The following ZNF395 variants were observed in gnomAD, a reference collection of about 807,000 sequenced individuals.
ZNF395 encodes zinc finger protein 395, also known as HD gene regulatory region-binding protein 2.
Under a neutral mutation model 57.7 loss-of-function variants are expected in ZNF395, and 20 were observed. The ratio of observed to expected loss-of-function variants is 0.35; its 90% CI spans 0.24 to 0.50. ZNF395 has a LOEUF of 0.50. ZNF395 is among the 20% of genes least tolerant of loss of function. The pLI, the probability that ZNF395 is intolerant of heterozygous loss-of-function variation, is 0.97. For missense variants in ZNF395, 606 were observed against 671.2 expected (o/e 0.90, Z 1.07); for synonymous variants, 295 against 275.9 (o/e 1.07, Z -0.69).
chr8:28,378,492 C>CA (rs1491196677), intron 1 of ZNF395, among the ~76,000 whole-genome samples: 1 of 152,236 alleles, frequency 6.6e-6, no homozygotes, highest in Non-Finnish European at 1.5e-5. Flanking sequence ...CCACCCACCT[C>CA]AGTCTCTCAA....
chr8:28,352,194 G>C lies in ZNF395; in HGVS notation c.920+379C>G, dbSNP rs1003605307. Among the ~76,000 whole-genome samples, 1 of 152,160 alleles carries C rather than the reference G, an allele frequency of 6.6e-6. No homozygotes were observed. Among genetic ancestry groups the C allele is most frequent in the African/African-American group, 2.4e-5 (1 of 41,440 alleles). ...AAACTCGCTCTGCACAGAACACGGC[G>C]GAGGCACCAGGGTGGGGCTAGCGGA... On this transcript the variant is annotated intron_variant, in intron 6 of 9. Transcript: ENST00000344423. This position sits in a 1 kb window ranked among gnomAD's most constrained non-coding sequence, Gnocchi z 4.0.
Position 28,347,803 on chromosome 8 carries a change from A to G in ZNF395, c.*916T>C, listed in dbSNP as rs1034141606. On this transcript the variant is annotated 3_prime_UTR_variant, in exon 10 of 10. Coordinates refer to ENST00000344423, the MANE Select transcript of ZNF395 (RefSeq NM_018660.3). ...TTAATCAGTAAAGGCTTCTGAATAC[A>G]TCGTAAAAGAAAACAAAGCATTTCT... 1 of 152,200 alleles carries G rather than the reference A, an allele frequency of 6.6e-6. No individual in the cohort carries two copies. The highest frequency in any genetic ancestry group is 1.5e-5 in the Non-Finnish European group (1 of 68,038). 9.4% of individuals were successfully genotyped at this position (152,200 alleles called of 1,614,324 possible).
intron 1 of ZNF395, among the ~76,000 whole-genome samples, chr8:28,366,907 G>A (rs1209844482): frequency 6.6e-6 from 1 of 150,970 alleles, no homozygotes; most frequent in Non-Finnish European, 1.5e-5. Context: ...TCAATAGAAA[G>A]CCAGGGCCTT....
rs560207998 is a variant in ZNF395 at position 28,384,547 on chromosome 8, C to G, written c.-59+1846G>C. Among the ~76,000 whole-genome samples the G allele has an allele frequency of 7.7e-4, 118 of 152,310 alleles. 1 individual carries two copies. The highest frequency in any genetic ancestry group is 1.2e-4 in the Non-Finnish European group (8 of 68,028). ...CATCCTTCTGTCCCCTCTATGAGGGCAGAAGCCCTGGAGGGAGGGAATCAT... is the reference window on the plus strand; with the variant it reads ...CATCCTTCTGTCCCCTCTATGAGGGGAGAAGCCCTGGAGGGAGGGAATCAT... On this transcript the variant is annotated intron_variant, in intron 1 of 9. Transcript: ENST00000344423.
chr8:28,348,156 G>A lies in ZNF395; in HGVS notation c.*563C>T, dbSNP rs1801630536. On this transcript the variant is annotated 3_prime_UTR_variant, in exon 10 of 10. Coordinates refer to ENST00000344423, the MANE Select transcript of ZNF395 (RefSeq NM_018660.3). Reference sequence around the variant, plus strand: ...AGGGATTTCCTTTGACTTCCATGCAGGATGCTCAGACAGGGAACAGGAGGT... The same window carrying A: ...AGGGATTTCCTTTGACTTCCATGCAAGATGCTCAGACAGGGAACAGGAGGT... 6.6e-6 allele frequency: 1 copy of A among 152,010 alleles called. No homozygotes were observed. The highest frequency in any genetic ancestry group is 2.4e-5 in the African/African-American group (1 of 41,342). The allele number at this position is 152,010 out of a possible 1,614,324, so 9.4% of individuals were successfully genotyped here. A position where few individuals can be genotyped will look rare whatever the true frequency, so the allele number is the denominator to read the frequency against.
In ZNF395 at chr8:28,359,101, A is replaced by G. The variant is rs1010484359; in HGVS notation, c.473+491T>C. Among the ~76,000 whole-genome samples the G allele has an allele frequency of 1.3e-5, 2 of 152,192 alleles. No individual in the cohort carries two copies. Among genetic ancestry groups the G allele is most frequent in the African/African-American group, 4.8e-5 (2 of 41,440 alleles). On this transcript the variant is annotated intron_variant, in intron 3 of 9. Coordinates refer to ENST00000344423, the MANE Select transcript of ZNF395 (RefSeq NM_018660.3). The surrounding 1 kb of genome is among the most constrained non-coding windows in gnomAD (Gnocchi z 4.7). ...TGCCCATAATAGAGCTATGGAAAAG[A>G]AAAGACGCCACTCGGCCAGGCATGG...
At chr8:28,377,276 T>C (rs1802053011) in intron 1 of ZNF395, among the ~76,000 whole-genome samples, 2 of 152,166 alleles carry the variant, frequency 1.3e-5, no homozygotes, top group Non-Finnish European at 2.9e-5. Context: ...CAGTGGCTCA[T>C]GCCTATAATC....
chr8:28,346,005 C>T lies in ZNF395; in HGVS notation c.*2714G>A, dbSNP rs1225758833. Reference sequence around the variant, plus strand: ...TCCAAGCTATTTTACTTTAAATGGTCCTTTTGCTTTGCACCTGAGACCTCG... The same window carrying T: ...TCCAAGCTATTTTACTTTAAATGGTTCTTTTGCTTTGCACCTGAGACCTCG... On this transcript the variant is annotated 3_prime_UTR_variant, in exon 10 of 10. Coordinates refer to ENST00000344423, the MANE Select transcript of ZNF395 (RefSeq NM_018660.3). The T allele has an allele frequency of 6.6e-6, 1 of 152,098 alleles. No homozygotes were observed. Among genetic ancestry groups the T allele is most frequent in the Non-Finnish European group, 1.5e-5 (1 of 68,028 alleles). 9.4% of individuals were successfully genotyped at this position (152,098 alleles called of 1,614,324 possible).
At chr8:28,367,799 T>C (rs1222172595) in intron 1 of ZNF395, among the ~76,000 whole-genome samples, 1 of 152,180 alleles carries the variant, frequency 6.6e-6, no homozygotes, top group East Asian at 1.9e-4. Flanking sequence ...ACAGCTGATC[T>C]TCCAGCGGTA....
Position 28,356,592 on chromosome 8 carries a change from A to T in ZNF395, c.583+78T>A. 1 of 1,061,446 alleles carries T rather than the reference A, an allele frequency of 9.4e-7. No individual in the cohort carries two copies. Among genetic ancestry groups the T allele is most frequent in the East Asian group, 2.6e-5 (1 of 38,692 alleles). The allele number at this position is 1,061,446 out of a possible 1,614,324, so 65.8% of individuals were successfully genotyped here. On this transcript the variant is annotated intron_variant, in intron 4 of 9. Transcript: ENST00000344423. This position sits in a 1 kb window ranked among gnomAD's most constrained non-coding sequence, Gnocchi z 4.0. ...CTATTGCCAGGCTGGTGACATAGGCAACTAGCTGCTCTGCACAGAGGATGT... is the reference window on the plus strand; with the variant it reads ...CTATTGCCAGGCTGGTGACATAGGCTACTAGCTGCTCTGCACAGAGGATGT...
intron 6 of ZNF395, 142 bp from the exon 7 acceptor site, chr8:28,351,949 G>A (rs758343590): frequency 1.1e-5 from 10 of 887,286 alleles, no homozygotes; most frequent in Admixed American, 9.8e-5. Context: ...CAGGTGCCTC[G>A]CTCCTGACGG....
At chr8:28,361,239 G>T in intron 1 of ZNF395, 57 bp from the exon 2 acceptor site, 1 of 1,464,238 alleles carries the variant, frequency 6.8e-7, no homozygotes, top group Non-Finnish European at 9.3e-7. Context: ...GCCAGGAAGG[G>T]TCTACTAAAA....
intron 1 of ZNF395, chr8:28,385,407 C>CCG (rs1554520850): frequency 6.6e-6 from 1 of 151,822 alleles, no homozygotes. Context: ...GCCCCGCCCC[C>CCG]CCCCCGGGCA....
At chr8:28,355,517 G>A (rs1477755349) in intron 4 of ZNF395, among the ~76,000 whole-genome samples, 6 of 150,954 alleles carry the variant, frequency 4.0e-5, no homozygotes, top group South Asian at 4.2e-4. Context: ...ATGCTTCTAC[G>A]TTGATGTGCA....
rs1345964526 is a variant in ZNF395, at chr8:28,352,688, G to A, written c.820-15C>T. On this transcript the variant is annotated splice_polypyrimidine_tract_variant and intron_variant, in intron 5 of 9. Coordinates refer to ENST00000344423, the MANE Select transcript of ZNF395 (RefSeq NM_018660.3). This position sits in a 1 kb window ranked among gnomAD's most constrained non-coding sequence, Gnocchi z 4.0. ...TTCACAGAGTTCTACAGGAAAGGAAGACAGGGTGAGTGGATATGTCTTTCT... is the reference window on the plus strand; with the variant it reads ...TTCACAGAGTTCTACAGGAAAGGAAAACAGGGTGAGTGGATATGTCTTTCT... 1.2e-6 allele frequency: 2 copies of A among 1,607,026 alleles called. No homozygotes were observed. Among genetic ancestry groups the A allele is most frequent in the South Asian group, 2.2e-5 (2 of 90,920 alleles).
In ZNF395 at chr8:28,348,675, G is replaced by A. The variant is rs1801638117; in HGVS notation, c.*44C>T. ...GGTGACACACTGGCCTCTTGTCAGT[G>A]GCTGCCGGCAGGGCCAGGAACAGAG... On this transcript the variant is annotated 3_prime_UTR_variant, in exon 10 of 10. Coordinates refer to ENST00000344423, the MANE Select transcript of ZNF395 (RefSeq NM_018660.3). The A allele has an allele frequency of 6.4e-7, 1 of 1,569,076 alleles. No homozygotes were observed. Among genetic ancestry groups the A allele is most frequent in the Admixed American group, 1.7e-5 (1 of 59,840 alleles).
At chr8:28,348,978 A>G (rs1181577185) in intron 9 of ZNF395, 147 bp downstream of exon 9, 1 of 1,154,084 alleles carries the variant, frequency 8.7e-7, no homozygotes, top group Non-Finnish European at 1.3e-6. Context: ...TCTGAGGACC[A>G]AACAGTCATC....
rs929050008 is a variant in ZNF395 at position 28,351,620 on chromosome 8, G to A, written c.1108C>T (p.Pro370Ser). 1 of 1,613,694 alleles carries A rather than the reference G, an allele frequency of 6.2e-7. No individual in the cohort carries two copies. Among genetic ancestry groups the A allele is most frequent in the African/African-American group, 1.3e-5 (1 of 75,060 alleles). The change falls in exon 7 of 10, where the codon CCT becomes TCT. Residue 370 changes from proline to serine, a missense_variant. Physicochemically the swap from Pro to Ser is moderately conservative, Grantham distance 74 (BLOSUM62 -1). This residue lies in a region of ZNF395 where 261 missense variants were observed against 240.3 expected (regional missense o/e 1.09). Coordinates refer to ENST00000344423, the MANE Select transcript of ZNF395 (RefSeq NM_018660.3). ...CCGGAGGACTGGGCTTTGTGCAGAG[G>A]TGGTGGAAGAGCAGACAGAGGCAGG... ...TGLPLSALPP[P>S]LHKAQSSGPE...
chr8:28,369,034 C>T (rs1022882353), intron 1 of ZNF395, among the ~76,000 whole-genome samples: 1 of 152,058 alleles, frequency 6.6e-6, no homozygotes, highest in Non-Finnish European at 1.5e-5. Flanking sequence ...TGGGGTTTCA[C>T]CAAGTTGGCC....
Sources: gnomAD v4.1 joint callset for allele counts (sites outside exome capture counted in the v4.1 genomes callset) on GRCh38, gnomAD v4.1.1 for gene constraint, gnomAD v4.1.1 regional missense constraint, Gnocchi (gnomAD v3.1) non-coding constraint, MANE v1.5 for transcripts, NCBI Gene and HGNC (gene_info 2026-07-23, HGNC 2026-07-21) for gene names.